Variants in SLC35F4 observed in about 807,000 individuals in gnomAD.
The protein encoded by SLC35F4 is chromosome 14 open reading frame 36.
Under a neutral mutation model 44.2 loss-of-function variants are expected in SLC35F4, and 24 were observed. The observed-to-expected ratio is 0.54, with a 90% CI of 0.39 to 0.76. The LOEUF is 0.76. Ranked by LOEUF, SLC35F4 falls within the 30% of genes least tolerant of loss-of-function variation. SLC35F4 has a pLI of 0.00. For missense variants in SLC35F4, 562 were observed against 586.1 expected (o/e 0.96, Z 0.42); for synonymous variants, 238 against 223.6 (o/e 1.06, Z -0.57).
Position 57,564,056 on chromosome 14 carries a change from G to A in SLC35F4, c.*79C>T, listed in dbSNP as rs190698409. ...ATCCAAATTCAGAGTTAATACTGTC[G>A]TTTGAGTGTACAGGTAGTGAGAAAA... On this transcript the variant is annotated 3_prime_UTR_variant, in exon 8 of 8. Transcript: ENST00000556826. 4.5e-5 allele frequency: 68 copies of A among 1,509,316 alleles called. No homozygotes were observed. The Admixed American group carries it at 8.6e-4, about 19-fold the overall frequency. The allele number at this position is 1,509,316 out of a possible 1,614,324, so 93.5% of individuals were successfully genotyped here. A position where few individuals can be genotyped will look rare whatever the true frequency, so the allele number is the denominator to read the frequency against.
At chr14:57,569,073 A>G (rs757698802) in intron 6 of SLC35F4, among the ~76,000 whole-genome samples, 1 of 152,158 alleles carries the variant, frequency 6.6e-6, no homozygotes, top group Admixed American at 6.5e-5. Flanking sequence ...CAATGAAGAC[A>G]TTACAAGGAC....
At chr14:57,665,758 G>C (rs1254155380) in intron 1 of SLC35F4, among the ~76,000 whole-genome samples, 2 of 152,144 alleles carry the variant, frequency 1.3e-5, no homozygotes, top group Non-Finnish European at 2.9e-5. Flanking sequence ...ACTGGCTAAA[G>C]AACATGTGGG....
At position 57,819,812 on chromosome 14, in the gene SLC35F4, CAAA is replaced by C. The variant is rs200256387; in HGVS notation, c.103+45908_103+45910del. On this transcript the variant is annotated intron_variant, in intron 1 of 7. Coordinates refer to ENST00000556826, the MANE Select transcript of SLC35F4 (RefSeq NM_001306087.2). ...TGGGCAACAGAGCAAGACCCCGTCT[CAAA>C]AAAAAAAAAAAAAGATAGAAGAAAT... is the stretch of plus-strand genomic sequence containing the variant. 7.3e-3 allele frequency among the ~76,000 whole-genome samples: 789 copies of C among 108,098 alleles called. 3 individuals are homozygous for C. The highest frequency in any genetic ancestry group is 0.012 in the Admixed American group (124 of 10,446). The allele number at this position is 108,098 out of a possible 152,430, so 70.9% of individuals were successfully genotyped here. A position where few individuals can be genotyped will look rare whatever the true frequency, so the allele number is the denominator to read the frequency against.
intron 1 of SLC35F4, among the ~76,000 whole-genome samples, chr14:57,855,050 A>T (rs186462348): frequency 0.011 from 1,601 of 152,350 alleles, 18 homozygotes; most frequent in Non-Finnish European, 0.015. Context: ...TTGAAGTCAT[A>T]AAACTGATTC....
chr14:57,772,800 AGTGCTGCTG>A (rs1352771809), intron 1 of SLC35F4, among the ~76,000 whole-genome samples: 14 of 152,328 alleles, frequency 9.2e-5, no homozygotes, highest in African/African-American at 3.4e-4. Context: ...TATTGTGAAT[AGTGCTGCTG>A]TGAATGTATG....
chr14:57,760,145 A>G (rs2077090473), intron 1 of SLC35F4, among the ~76,000 whole-genome samples: 1 of 152,076 alleles, frequency 6.6e-6, no homozygotes, highest in African/African-American at 2.4e-5. Flanking sequence ...GTTATCGTCT[A>G]GGAGTTTTAT....
intron 1 of SLC35F4, among the ~76,000 whole-genome samples, chr14:57,797,021 T>C (rs139862288): frequency 6.6e-6 from 1 of 152,358 alleles, no homozygotes; most frequent in Non-Finnish European, 1.5e-5. Flanking sequence ...TAAAACTTTC[T>C]AATTTCAGGG....
intron 1 of SLC35F4, among the ~76,000 whole-genome samples, chr14:57,979,859 A>G (rs769298258): frequency 1.3e-5 from 2 of 152,176 alleles, no homozygotes. Flanking sequence ...TCTTTCCCCA[A>G]CTCCACATTT....
At chr14:57,759,721 C>A (rs2077078702) in intron 1 of SLC35F4, among the ~76,000 whole-genome samples, 1 of 151,988 alleles carries the variant, frequency 6.6e-6, no homozygotes, top group Admixed American at 6.6e-5. Flanking sequence ...TCAGTGCTAC[C>A]CTAATAGGTA....
chr14:57,947,419 G>C (rs1299709724), intron 1 of SLC35F4, among the ~76,000 whole-genome samples: 1 of 152,116 alleles, frequency 6.6e-6, no homozygotes, highest in Non-Finnish European at 1.5e-5. Context: ...ATCAGATATA[G>C]GAGCTTTTTG....
At chr14:57,907,978 T>G (rs1403308884) in intron 1 of SLC35F4, among the ~76,000 whole-genome samples, 1 of 152,134 alleles carries the variant, frequency 6.6e-6, no homozygotes. Context: ...GTGTGTGATG[T>G]TCCCCTCTCT....
intron 1 of SLC35F4, among the ~76,000 whole-genome samples, chr14:57,961,706 C>A (rs774031670): frequency 1.3e-5 from 2 of 152,186 alleles, no homozygotes; most frequent in Non-Finnish European, 2.9e-5. Flanking sequence ...TATGTCCAGC[C>A]GCACTGGAGG....
intron 1 of SLC35F4, among the ~76,000 whole-genome samples, chr14:57,735,505 A>G (rs2076440771): frequency 1.3e-5 from 2 of 152,182 alleles, no homozygotes; most frequent in Non-Finnish European, 2.9e-5. Context: ...GCCAGCCATC[A>G]GCTGGGATGC....
intron 1 of SLC35F4, among the ~76,000 whole-genome samples, chr14:57,827,494 A>G (rs1461958655): frequency 1.3e-5 from 2 of 152,208 alleles, no homozygotes; most frequent in African/African-American, 4.8e-5. Context: ...CTGCACATGT[A>G]TCCTGGAACT....
At chr14:57,936,520 C>T (rs904253219) in intron 1 of SLC35F4, among the ~76,000 whole-genome samples, 2 of 152,202 alleles carry the variant, frequency 1.3e-5, no homozygotes, top group Non-Finnish European at 2.9e-5. Context: ...CTCTCTCCCC[C>T]CAGGGAACTT....
chr14:57,859,213 C>T (rs564537963), intron 1 of SLC35F4, among the ~76,000 whole-genome samples: 2 of 151,924 alleles, frequency 1.3e-5, no homozygotes, highest in South Asian at 2.1e-4. Context: ...TAGTGATTGG[C>T]GAAGTAGATT....
intron 1 of SLC35F4, among the ~76,000 whole-genome samples, chr14:57,828,869 T>C (rs147222280): frequency 0.011 from 1,731 of 152,340 alleles, 12 homozygotes; most frequent in Middle Eastern, 0.027. Context: ...AATAATATTA[T>C]GCAACAACAA....
intron 1 of SLC35F4, among the ~76,000 whole-genome samples, chr14:57,676,858 T>C: frequency 6.6e-6 from 1 of 151,998 alleles, no homozygotes. Context: ...GTGTGGAGAT[T>C]CCTTAAAGAA....
intron 1 of SLC35F4, among the ~76,000 whole-genome samples, chr14:57,676,614 G>A (rs984463437): frequency 6.6e-6 from 1 of 151,934 alleles, no homozygotes; most frequent in Non-Finnish European, 1.5e-5. Flanking sequence ...GATATGAATA[G>A]ACAATTCTCA....
Sources: allele counts gnomAD v4.1 joint callset (sites outside exome capture counted in the v4.1 genomes callset), GRCh38; gene constraint gnomAD v4.1.1; transcripts MANE v1.5; gene names NCBI Gene and HGNC (gene_info 2026-07-23, HGNC 2026-07-21).